The following PCDH11X variants were observed in gnomAD, a reference collection of about 807,000 sequenced individuals.
PCDH11X encodes protocadherin-11 X-linked.
Under a neutral mutation model 53.3 loss-of-function variants are expected in PCDH11X, and 18 were observed. The observed-to-expected ratio is 0.34, with a 90% CI of 0.23 to 0.50. PCDH11X has a LOEUF of 0.50. Among genes scored for constraint, PCDH11X ranks in the 20% least tolerant of loss-of-function variants. The pLI is 0.98. For synonymous variants in PCDH11X, 279 were observed against 393.3 expected (o/e 0.71, Z 3.44); for missense variants, 570 against 1,032.4 (o/e 0.55, Z 6.14).
At chrX:92,009,788 C>T (rs1191949637) in intron 6 of PCDH11X, among the ~76,000 whole-genome samples, 2 of 104,455 alleles carry the variant, frequency 1.9e-5, no homozygotes, top group African/African-American at 7.0e-5. Context: ...CTGCAACCTC[C>T]GCCTCCTGGG....
At chrX:92,341,126 G>A (rs1250032859) in intron 8 of PCDH11X, among the ~76,000 whole-genome samples, 1 of 111,697 alleles carries the variant, frequency 9.0e-6, no homozygotes, top group African/African-American at 3.3e-5. Context: ...TCTTTGCTAA[G>A]ACATAACAAA....
rs770829321 is a variant in PCDH11X, at chrX:92,458,591, T to A, written c.3344-9708T>A. On this transcript the variant is annotated intron_variant, in intron 9 of 10. Coordinates refer to ENST00000682573, the MANE Select transcript of PCDH11X (RefSeq NM_032968.5). ...ACTCTCAACCTCCATTGAGTTCAAA[T>A]TTTTTTTTAGCTGCCATATATGATT... Among the ~76,000 whole-genome samples, 14 of 110,617 alleles carry A rather than the reference T, an allele frequency of 1.3e-4. No homozygotes were observed. The East Asian group carries it at 2.3e-3, about 18-fold the overall frequency.
At chrX:92,459,949 G>A (rs1020460288) in intron 9 of PCDH11X, 56 of 1,174,624 alleles carry the variant, frequency 4.8e-5, no homozygotes, top group South Asian at 3.6e-5. Flanking sequence ...CTCTTACCTG[G>A]ACAGAGTGAG....
At chrX:92,266,581 A>G (rs1411436903) in intron 8 of PCDH11X, among the ~76,000 whole-genome samples, 1 of 111,816 alleles carries the variant, frequency 8.9e-6, no homozygotes, top group African/African-American at 3.2e-5. Context: ...TTTCGTAGAT[A>G]AGCTAGTGGC....
chrX:92,275,279 G>T (rs1028893232), intron 8 of PCDH11X, among the ~76,000 whole-genome samples: 1 of 103,778 alleles, frequency 9.6e-6, no homozygotes, highest in African/African-American at 3.4e-5. Context: ...GGAAGGAAAG[G>T]GTTGTTCTTT....
chrX:92,239,552 A>C, intron 7 of PCDH11X, among the ~76,000 whole-genome samples: 1 of 111,725 alleles, frequency 9.0e-6, no homozygotes, highest in Non-Finnish European at 1.9e-5. Context: ...GAAGACTTTT[A>C]AAAAGATCTT....
At chrX:92,207,717 T>TAA (rs1054417515) in intron 7 of PCDH11X, among the ~76,000 whole-genome samples, 1 of 111,737 alleles carries the variant, frequency 8.9e-6, no homozygotes, top group African/African-American at 3.3e-5. Flanking sequence ...ATGGACTTAT[T>TAA]GTTTGACTTT....
chrX:92,213,567 C>A (rs1258852234), intron 7 of PCDH11X, among the ~76,000 whole-genome samples: 2 of 111,780 alleles, frequency 1.8e-5, no homozygotes, highest in Non-Finnish European at 3.8e-5. Context: ...GGCTCCTCAG[C>A]AAACATGTAT....
At chrX:92,525,684 A>G (rs1353470532) in intron 10 of PCDH11X, among the ~76,000 whole-genome samples, 4 of 109,226 alleles carry the variant, frequency 3.7e-5, no homozygotes, top group Non-Finnish European at 7.6e-5. Flanking sequence ...TTCTTGGCCA[A>G]CCATGTACAC....
intron 6 of PCDH11X, among the ~76,000 whole-genome samples, chrX:92,077,975 G>A (rs892170086): frequency 2.7e-5 from 3 of 110,103 alleles, no homozygotes; most frequent in African/African-American, 9.9e-5. Flanking sequence ...TCTCGGTAGG[G>A]AAAATAAGTG....
At chrX:92,409,915 A>G (rs1178461581) in intron 9 of PCDH11X, among the ~76,000 whole-genome samples, 2 of 111,969 alleles carry the variant, frequency 1.8e-5, no homozygotes, top group Admixed American at 9.5e-5. Context: ...TGAAGTGTGA[A>G]ATATTTAGCT....
chrX:92,175,611 A>G, intron 6 of PCDH11X, among the ~76,000 whole-genome samples: 1 of 109,386 alleles, frequency 9.1e-6, no homozygotes, highest in Non-Finnish European at 1.9e-5. Context: ...ATATCTATAT[A>G]TCTATCTATG....
At chrX:91,908,906 C>G (rs988835605) in intron 6 of PCDH11X, among the ~76,000 whole-genome samples, 6 of 108,478 alleles carry the variant, frequency 5.5e-5, no homozygotes, top group African/African-American at 2.0e-4. Context: ...AGTTCAGTCA[C>G]TGTGGAAGAC....
intron 9 of PCDH11X, among the ~76,000 whole-genome samples, chrX:92,423,096 C>T (rs1040965292): frequency 2.1e-4 from 21 of 99,581 alleles, no homozygotes; most frequent in African/African-American, 7.1e-4. Context: ...GTGATCTGCC[C>T]GCCTCAGCCT....
At chrX:92,611,342 CTTT>C (rs57553012) in intron 10 of PCDH11X, among the ~76,000 whole-genome samples, 2 of 100,953 alleles carry the variant, frequency 2.0e-5, no homozygotes. Context: ...TTATTCCTAG[CTTT>C]TTTTTTTTGG....
intron 6 of PCDH11X, among the ~76,000 whole-genome samples, chrX:92,103,545 C>T (rs35865654): frequency 9.0e-6 from 1 of 111,650 alleles, no homozygotes; most frequent in Non-Finnish European, 1.9e-5. Context: ...TCAGAGAGCC[C>T]TGGGCCAGAG....
At chrX:92,082,050 C>T (rs2063865376) in intron 6 of PCDH11X, among the ~76,000 whole-genome samples, 1 of 110,683 alleles carries the variant, frequency 9.0e-6, no homozygotes, top group African/African-American at 3.3e-5. Flanking sequence ...GAAACTGAGA[C>T]TTAGAATAGT....
In PCDH11X at chrX:92,621,396, C is replaced by T. The variant is rs1479305493; in HGVS notation, c.*2456C>T. 1 of 109,370 alleles carries T rather than the reference C, an allele frequency of 9.1e-6. No homozygotes were observed. Among genetic ancestry groups the T allele is most frequent in the African/African-American group, 3.3e-5 (1 of 29,901 alleles). The allele number at this position is 109,370 out of a possible 1,213,427, so 9.0% of individuals were successfully genotyped here. Reference sequence around the variant, plus strand: ...TCCTATAGATGATATAGGAATGAACCAATACGCTTTTATTACCCTTTCTAA... The same window carrying T: ...TCCTATAGATGATATAGGAATGAACTAATACGCTTTTATTACCCTTTCTAA... On this transcript the variant is annotated 3_prime_UTR_variant, in exon 11 of 11. Coordinates refer to ENST00000682573, the MANE Select transcript of PCDH11X (RefSeq NM_032968.5).
intron 6 of PCDH11X, among the ~76,000 whole-genome samples, chrX:92,087,078 G>A (rs775398392): frequency 4.5e-4 from 49 of 109,153 alleles, no homozygotes; most frequent in Middle Eastern, 4.7e-3. Context: ...GGGTGGTCTG[G>A]GACCCTAGCT....
Sources: allele counts gnomAD v4.1 joint callset (sites outside exome capture counted in the v4.1 genomes callset), GRCh38; gene constraint gnomAD v4.1.1; transcripts MANE v1.5; gene names NCBI Gene and HGNC (gene_info 2026-07-23, HGNC 2026-07-21).